Variants in RYR2 observed in about 807,000 individuals in gnomAD.
RYR2 encodes ryanodine receptor 2, also known as cardiac muscle ryanodine receptor-calcium release channel.
Under a neutral mutation model 601.1 loss-of-function variants are expected in RYR2, and 227 were observed. The ratio of observed to expected loss-of-function variants is 0.38; its 90% CI spans 0.34 to 0.42. The LOEUF is 0.42. Ranked by LOEUF, RYR2 falls within the 10% of genes least tolerant of loss-of-function variation. RYR2 has a pLI of 1.00. For synonymous variants in RYR2, 2,223 were observed against 2,175.1 expected (o/e 1.02, Z -0.61); for missense variants, 4,646 against 6,156.5 (o/e 0.75, Z 8.21).
chr1:237,382,587 T>A (rs566938117), intron 8 of RYR2, among the ~76,000 whole-genome samples: 1 of 143,346 alleles, frequency 7.0e-6, no homozygotes, highest in East Asian at 2.2e-4. Flanking sequence ...CTAAGTGTTC[T>A]CATTATTCAA....
At chr1:237,107,801 T>C (rs1668908465) in intron 1 of RYR2, among the ~76,000 whole-genome samples, 7 of 152,176 alleles carry the variant, frequency 4.6e-5, no homozygotes, top group Admixed American at 4.6e-4. Flanking sequence ...GCCTTAGTTC[T>C]TTCCAGAAGC....
At chr1:237,246,777 T>C (rs944522328) in intron 1 of RYR2, among the ~76,000 whole-genome samples, 1 of 152,216 alleles carries the variant, frequency 6.6e-6, no homozygotes. Flanking sequence ...TGCTTTCTTA[T>C]TATATTTGAT....
At chr1:237,077,181 G>A (rs1296706839) in intron 1 of RYR2, among the ~76,000 whole-genome samples, 1 of 39,590 alleles carries the variant, frequency 2.5e-5, no homozygotes, top group African/African-American at 6.7e-5. Context: ...ATGCCAAAAT[G>A]TAAAGACCAT....
chr1:237,381,536 C>G (rs1346827452), intron 8 of RYR2, among the ~76,000 whole-genome samples: 1 of 152,110 alleles, frequency 6.6e-6, no homozygotes. Context: ...GTCTATTGAC[C>G]GATGAGCGAT....
chr1:237,405,573 C>T (rs1207906738), intron 10 of RYR2, among the ~76,000 whole-genome samples: 1 of 152,156 alleles, frequency 6.6e-6, no homozygotes, highest in Non-Finnish European at 1.5e-5. Flanking sequence ...TAATTTAATT[C>T]CATCAGAGAT....
At chr1:237,503,062 A>G (rs920058705) in intron 21 of RYR2, among the ~76,000 whole-genome samples, 2 of 152,124 alleles carry the variant, frequency 1.3e-5, no homozygotes, top group Admixed American at 1.3e-4. Flanking sequence ...CCCATTAATT[A>G]ACTTAAGCAG....
At chr1:237,176,024 G>A (rs946372244) in intron 1 of RYR2, among the ~76,000 whole-genome samples, 13 of 151,968 alleles carry the variant, frequency 8.6e-5, no homozygotes, top group African/African-American at 3.1e-4. Flanking sequence ...TTGAGCCCAG[G>A]AGTTCAAGGC....
At chr1:237,428,203 A>G (rs1558801101) in intron 12 of RYR2, among the ~76,000 whole-genome samples, 1 of 152,220 alleles carries the variant, frequency 6.6e-6, no homozygotes, top group Non-Finnish European at 1.5e-5. Context: ...TGATTCCTCA[A>G]GGATCTAGAA....
In RYR2 at chr1:237,410,097, T is replaced by G. The variant is rs150915474; in HGVS notation, c.774-6952T>G. ...AATGTAAAAAAGAGAAAAATAAAGT[T>G]CACTTAGAGCCCCTCTCAAAGTGTC... On this transcript the variant is annotated intron_variant, in intron 10 of 104. Coordinates refer to ENST00000366574, the MANE Select transcript of RYR2 (RefSeq NM_001035.3). Among the ~76,000 whole-genome samples, 20 of 152,276 alleles carry G rather than the reference T, an allele frequency of 1.3e-4. No individual in the cohort carries two copies. In the East Asian group the frequency reaches 3.5e-3, roughly 26 times the overall value.
At chr1:237,323,589 T>C (rs571763072) in intron 2 of RYR2, among the ~76,000 whole-genome samples, 1 of 152,196 alleles carries the variant, frequency 6.6e-6, no homozygotes, top group Non-Finnish European at 1.5e-5. Flanking sequence ...AAGGATGTTG[T>C]ATTATGAAAG....
chr1:237,330,976 A>G lies in RYR2; in HGVS notation c.267A>G (p.Ser89=), dbSNP rs1202381533. The G allele has an allele frequency of 1.2e-6, 2 of 1,613,416 alleles. No homozygotes were observed. The highest frequency in any genetic ancestry group is 2.2e-5 in the East Asian group (1 of 44,866). Residue 89 remains serine, a synonymous_variant, in exon 3 of 105, where the codon TCA becomes TCG. Transcript: ENST00000366574. ...QEMLANTVEK[S]EGQVDVEKWK... ...TGCTGGCTAACACCGTGGAGAAATC[A>G]GAAGGGGCAAGTACCCAATTTATGT... is the stretch of plus-strand genomic sequence containing the variant.
intron 92 of RYR2, among the ~76,000 whole-genome samples, chr1:237,788,591 G>C (rs377558455): frequency 1.1e-4 from 17 of 152,128 alleles, no homozygotes; most frequent in East Asian, 9.7e-4. Context: ...AGCTAATTGA[G>C]CCATAGTCAG....
chr1:237,322,320 C>T (rs948935124), intron 2 of RYR2, among the ~76,000 whole-genome samples: 1 of 152,150 alleles, frequency 6.6e-6, no homozygotes, highest in Non-Finnish European at 1.5e-5. Flanking sequence ...ACTGTCTTCG[C>T]TTTTCTCTTC....
intron 1 of RYR2, among the ~76,000 whole-genome samples, chr1:237,072,157 C>A (rs377576048): frequency 1.3e-5 from 2 of 152,140 alleles, no homozygotes; most frequent in African/African-American, 2.4e-5. Flanking sequence ...CAGCAGGGCA[C>A]GGGGGTCCTG....
chr1:237,545,425 C>T (rs960030036), intron 25 of RYR2, among the ~76,000 whole-genome samples: 1 of 152,164 alleles, frequency 6.6e-6, no homozygotes, highest in African/African-American at 2.4e-5. Flanking sequence ...ATGCATGTAT[C>T]CCTCATTAGG....
Position 237,726,243 on chromosome 1 carries a change from T to C in RYR2, c.10690-30T>C, listed in dbSNP as rs190281346. Reference sequence around the variant, plus strand: ...GATAATAAATGTAGTTTTACTTTTTTAGCTAACATAACATTTTTATTTCTT... The same window carrying C: ...GATAATAAATGTAGTTTTACTTTTTCAGCTAACATAACATTTTTATTTCTT... On this transcript the variant is annotated intron_variant, in intron 74 of 104. Transcript: ENST00000366574. 1,890 of 1,483,718 alleles carry C rather than the reference T, an allele frequency of 1.3e-3. 16 individuals carry two copies. The highest frequency in any genetic ancestry group is 9.9e-4 in the East Asian group (42 of 42,490). The allele number at this position is 1,483,718 out of a possible 1,614,324, so 91.9% of individuals were successfully genotyped here.
Position 237,798,075 on chromosome 1 carries a change from A to C in RYR2, c.13995A>C (p.Arg4665Ser). The change falls in exon 97 of 105, where the codon AGA (arginine) becomes AGC (serine). Residue 4665 changes from arginine (R) to serine (S), a missense_variant. By Grantham distance (110) the Arg-to-Ser change is moderately radical. This residue lies in a region of RYR2 where 76 missense variants were observed against 97.4 expected (regional missense o/e 0.78). Transcript: ENST00000366574. The stretch of plus-strand genomic sequence containing the variant: ...ATGGAGAGTTCTACGGCCGAGACAG[A>C]ATCAGTGAATTACTTGGCATGGACA... ...DKYGEFYGRD[R>S]ISELLGMDKA... 6.2e-7 allele frequency: 1 copy of C among 1,611,792 alleles called. No individual in the cohort carries two copies. The highest frequency in any genetic ancestry group is 8.5e-7 in the Non-Finnish European group (1 of 1,178,818).
intron 6 of RYR2, among the ~76,000 whole-genome samples, chr1:237,372,379 T>C (rs1182642332): frequency 6.6e-6 from 1 of 152,218 alleles, no homozygotes; most frequent in Non-Finnish European, 1.5e-5. Flanking sequence ...ATAAAGATTA[T>C]CAGTGTCAGA....
intron 24 of RYR2, 52 bp downstream of exon 24, chr1:237,511,843 A>AAC: frequency 2.1e-6 from 2 of 949,464 alleles, no homozygotes; most frequent in South Asian, 3.8e-5. Flanking sequence ...TGAAAAAAAA[A>AAC]AAAAAAAAAA....
Sources: allele counts gnomAD v4.1 joint callset (sites outside exome capture counted in the v4.1 genomes callset), GRCh38; gene constraint gnomAD v4.1.1; regional missense constraint gnomAD v4.1.1; transcripts MANE v1.5; gene names NCBI Gene and HGNC (gene_info 2026-07-23, HGNC 2026-07-21).